Variants in TRIM2 observed in about 807,000 individuals in gnomAD.
TRIM2 encodes tripartite motif-containing protein 2.
TRIM2 carries 20 observed loss-of-function variants against 75.2 expected under a neutral mutation model. That is an observed-to-expected ratio of 0.27 (90% CI 0.19 to 0.39). TRIM2 has a LOEUF of 0.39. TRIM2 is among the 10% of genes least tolerant of loss of function. The pLI is 1.00. For missense variants in TRIM2, 660 were observed against 990.8 expected, an observed-to-expected ratio of 0.67 and a Z score of 4.48; for synonymous variants, 373 against 388.3, an observed-to-expected ratio of 0.96 and a Z score of 0.46.
chr4:153,320,784 C>G (rs750566183), intron 8 of TRIM2, among the ~76,000 whole-genome samples: 12 of 152,088 alleles, frequency 7.9e-5, no homozygotes, highest in Admixed American at 1.3e-4. Flanking sequence ...AGGCACCCAC[C>G]ACCACACCCA....
intron 1 of TRIM2, among the ~76,000 whole-genome samples, chr4:153,218,498 T>C (rs1051891985): frequency 6.6e-6 from 1 of 152,206 alleles, no homozygotes; most frequent in African/African-American, 2.4e-5. Context: ...TGTGAGCCAC[T>C]GTGCCCGATC....
At chr4:153,202,801 A>G (rs1187096945), upstream of TRIM2, among the ~76,000 whole-genome samples, 1 of 150,858 alleles carries the variant, frequency 6.6e-6, no homozygotes, top group Non-Finnish European at 1.5e-5. Context: ...AAGCTGCTGT[A>G]ATAGCTTTAA....
Position 153,255,063 on chromosome 4 carries a change from C to T in TRIM2, c.31-15272C>T, listed in dbSNP as rs191487145. On this transcript the variant is annotated intron_variant, in intron 1 of 11. Transcript: ENST00000338700. ...TGGCCCTGTGTATCCCTTCTATGGG[C>T]GCCCAGAGCATTTGCTTCCTCTTGC... Among the ~76,000 whole-genome samples the T allele has an allele frequency of 4.8e-3, 726 of 152,294 alleles. 21 individuals carry two copies. The highest frequency in any genetic ancestry group is 1.5e-3 in the Non-Finnish European group (101 of 68,024).
chr4:153,249,499 A>C (rs1340457491), intron 1 of TRIM2, among the ~76,000 whole-genome samples: 3 of 152,336 alleles, frequency 2.0e-5, no homozygotes, highest in East Asian at 1.9e-4. Context: ...TCTGAATTAC[A>C]TGTTGGTCTA....
chr4:153,321,094 G>A (rs1006712079), intron 8 of TRIM2, among the ~76,000 whole-genome samples: 9 of 152,012 alleles, frequency 5.9e-5, no homozygotes, highest in South Asian at 4.1e-4. Flanking sequence ...CTGCTGTGGC[G>A]TCATCAAGTT....
chr4:153,296,634 C>T (rs527250120), intron 6 of TRIM2, among the ~76,000 whole-genome samples: 3 of 152,190 alleles, frequency 2.0e-5, no homozygotes, highest in African/African-American at 2.4e-5. Context: ...GGGGTTGAGG[C>T]GGGGTTGGGG....
In TRIM2 at chr4:153,236,573, T is replaced by C. The variant is rs79678023; in HGVS notation, c.30+32013T>C. Among the ~76,000 whole-genome samples, 619 of 152,346 alleles carry C rather than the reference T, an allele frequency of 4.1e-3. 12 individuals are homozygous for C. The East Asian group carries it at 0.08, about 20-fold the overall frequency. On this transcript the variant is annotated intron_variant, in intron 1 of 11. Coordinates refer to ENST00000338700, the MANE Select transcript of TRIM2 (RefSeq NM_015271.5). Reference sequence around the variant, plus strand: ...CACAGCAACCCACTATGGACTTTTCTTGTGGAGAAGATTGTCCTTTATACA... The same window carrying C: ...CACAGCAACCCACTATGGACTTTTCCTGTGGAGAAGATTGTCCTTTATACA...
chr4:153,272,025 A>G (rs960133042), intron 2 of TRIM2, among the ~76,000 whole-genome samples: 6 of 150,898 alleles, frequency 4.0e-5, no homozygotes, highest in Non-Finnish European at 8.9e-5. Context: ...ACCCACTTCC[A>G]CTCCCCACCC....
intron 1 of TRIM2, among the ~76,000 whole-genome samples, chr4:153,246,799 C>T (rs1389064337): frequency 1.3e-5 from 2 of 152,162 alleles, no homozygotes; most frequent in Admixed American, 6.6e-5. Flanking sequence ...ACAACACCCT[C>T]GGGTCAGGCC....
At chr4:153,324,706 A>G in intron 10 of TRIM2, among the ~76,000 whole-genome samples, 1 of 152,304 alleles carries the variant, frequency 6.6e-6, no homozygotes, top group Non-Finnish European at 1.5e-5. Context: ...CTTTATTATG[A>G]GAAAATCAGG....
At chr4:153,282,163 A>G (rs1175228934) in intron 3 of TRIM2, among the ~76,000 whole-genome samples, 1 of 152,206 alleles carries the variant, frequency 6.6e-6, no homozygotes, top group Non-Finnish European at 1.5e-5. Context: ...CCGCACCAGC[A>G]TCATCTCACT....
intron 1 of TRIM2, among the ~76,000 whole-genome samples, chr4:153,175,119 C>T (rs561132601): frequency 6.6e-6 from 1 of 152,124 alleles, no homozygotes; most frequent in East Asian, 1.9e-4. Context: ...CGGTTTCAAG[C>T]GATTCTCCTG....
intron 1 of TRIM2, among the ~76,000 whole-genome samples, chr4:153,269,011 T>G (rs1200776927): frequency 3.3e-5 from 5 of 152,220 alleles, no homozygotes; most frequent in Non-Finnish European, 7.3e-5. Context: ...ATACAAAATC[T>G]TTAATTAAAA....
intron 1 of TRIM2, among the ~76,000 whole-genome samples, chr4:153,228,320 A>G (rs1159545204): frequency 6.6e-6 from 1 of 152,202 alleles, no homozygotes; most frequent in South Asian, 2.1e-4. Flanking sequence ...AGAAGTACCC[A>G]TGGGTCCTCA....
chr4:153,306,751 C>T (rs939162619), intron 6 of TRIM2, among the ~76,000 whole-genome samples: 11 of 152,196 alleles, frequency 7.2e-5, no homozygotes, highest in Non-Finnish European at 1.2e-4. Flanking sequence ...TCAGTGACTT[C>T]ATATTGGTAG....
chr4:153,232,036 G>GCACATAT (rs1380648023), intron 1 of TRIM2, among the ~76,000 whole-genome samples: 3 of 152,080 alleles, frequency 2.0e-5, no homozygotes, highest in Non-Finnish European at 4.4e-5. Flanking sequence ...GTCAGTATCT[G>GCACATAT]CACATATTCC....
intron 3 of TRIM2, among the ~76,000 whole-genome samples, chr4:153,278,578 C>A (rs1017364109): frequency 2.6e-5 from 4 of 152,082 alleles, no homozygotes; most frequent in African/African-American, 9.7e-5. Flanking sequence ...GCAAGCCAAT[C>A]GCTTGAGCCC....
At chr4:153,275,028 T>G (rs1165452710) in intron 2 of TRIM2, among the ~76,000 whole-genome samples, 1 of 152,154 alleles carries the variant, frequency 6.6e-6, no homozygotes, top group Non-Finnish European at 1.5e-5. Flanking sequence ...TGGAAAAAAT[T>G]GTATAGTCTA....
At chr4:153,301,910 G>A (rs1273202759) in intron 6 of TRIM2, among the ~76,000 whole-genome samples, 1 of 152,138 alleles carries the variant, frequency 6.6e-6, no homozygotes, top group Non-Finnish European at 1.5e-5. Context: ...AAATAAGATG[G>A]TGTGATGCCA....
Sources: allele counts gnomAD v4.1 joint callset (sites outside exome capture counted in the v4.1 genomes callset), GRCh38; gene constraint gnomAD v4.1.1; transcripts MANE v1.5; gene names NCBI Gene and HGNC (gene_info 2026-07-23, HGNC 2026-07-21).